Variants in ZFC3H1 observed in about 807,000 individuals in gnomAD.
ZFC3H1 encodes zinc finger C3H1-type containing, also known as zinc finger C3H1 domain-containing protein.
In ZFC3H1, 71 loss-of-function variants were observed where a neutral mutation model predicts 243.7. The observed-to-expected ratio is 0.29, with a 90% CI of 0.24 to 0.36. ZFC3H1 has a LOEUF of 0.36. ZFC3H1 is among the 10% of genes least tolerant of loss of function. The pLI is 1.00. For synonymous variants in ZFC3H1, 838 were observed against 813.0 expected, an observed-to-expected ratio of 1.03 and a Z score of -0.52; for missense variants, 1,966 against 2,317.1, an observed-to-expected ratio of 0.85 and a Z score of 3.11.
intron 2 of ZFC3H1, among the ~76,000 whole-genome samples, chr12:71,649,091 CAAAA>C (rs35231608): frequency 2.2e-5 from 2 of 89,828 alleles, no homozygotes; most frequent in Non-Finnish European, 2.4e-5. Context: ...ACTCTTGTCT[CAAAA>C]AAAAAAAAAA....
At chr12:71,616,003 T>TA (rs1372547650) in intron 27 of ZFC3H1, among the ~76,000 whole-genome samples, 23 of 152,092 alleles carry the variant, frequency 1.5e-4, no homozygotes, top group Non-Finnish European at 4.4e-5. Context: ...AAAAAAGATT[T>TA]ACAAGGCCTG....
chr12:71,661,178 C>T (rs1328333116), intron 1 of ZFC3H1, among the ~76,000 whole-genome samples: 1 of 151,758 alleles, frequency 6.6e-6, no homozygotes, highest in African/African-American at 2.4e-5. Context: ...TGGCGGGCGC[C>T]TGTAGTCCCA....
chr12:71,643,121 G>A (rs900587657), intron 5 of ZFC3H1, among the ~76,000 whole-genome samples: 3 of 152,146 alleles, frequency 2.0e-5, no homozygotes, highest in African/African-American at 7.2e-5. Context: ...CGAGAAGGAG[G>A]TAAAGAATAA....
chr12:71,642,961 A>C (rs1005440506), intron 5 of ZFC3H1, among the ~76,000 whole-genome samples: 1 of 152,172 alleles, frequency 6.6e-6, no homozygotes, highest in African/African-American at 2.4e-5. Flanking sequence ...AAAATTCAAA[A>C]ACATTTTAAT....
intron 27 of ZFC3H1, among the ~76,000 whole-genome samples, chr12:71,618,383 C>CA (rs547873671): frequency 3.0e-4 from 46 of 152,004 alleles, no homozygotes; most frequent in African/African-American, 1.1e-3. Flanking sequence ...GTATTTTCTA[C>CA]AAGAAATTTT....
chr12:71,663,784 C>G lies in ZFC3H1; in HGVS notation c.-174G>C. The stretch of plus-strand genomic sequence containing the variant: ...GCACCCCAGCACCCCAGCTCTCTCT[C>G]GCCGGACCGTCGCAACCCAGTTCCC... On this transcript the variant is annotated 5_prime_UTR_variant, in exon 1 of 35. Transcript: ENST00000378743. 1 of 720,912 alleles carries G rather than the reference C, an allele frequency of 1.4e-6. No homozygotes were observed. Among genetic ancestry groups the G allele is most frequent in the Non-Finnish European group, 2.2e-6 (1 of 445,538 alleles). The allele number at this position is 720,912 out of a possible 1,614,324, so 44.7% of individuals were successfully genotyped here.
chr12:71,612,662 G>A (rs1420212203), intron 31 of ZFC3H1, among the ~76,000 whole-genome samples: 2 of 152,038 alleles, frequency 1.3e-5, no homozygotes, highest in South Asian at 2.1e-4. Context: ...AAATATTTTA[G>A]GCATCTTATG....
At chr12:71,653,136 A>C (rs1880933195) in intron 2 of ZFC3H1, among the ~76,000 whole-genome samples, 1 of 152,252 alleles carries the variant, frequency 6.6e-6, no homozygotes, top group Non-Finnish European at 1.5e-5. Context: ...AATTTGTTTA[A>C]AGAAACAAAG....
Position 71,624,139 on chromosome 12 carries a change from T to C in ZFC3H1, c.4471A>G (p.Thr1491Ala), listed in dbSNP as rs776203894. 1.2e-6 allele frequency: 2 copies of C among 1,612,882 alleles called. No individual in the cohort carries two copies. The highest frequency in any genetic ancestry group is 1.7e-6 in the Non-Finnish European group (2 of 1,179,712). The change falls in exon 23 of 35, where the codon ACT (threonine) becomes GCT (alanine). Residue 1491 changes from threonine to alanine, a missense_variant. By Grantham distance (58) the Thr-to-Ala change is moderately conservative. Around this residue, in one of 4 missense-constraint regions of ZFC3H1, gnomAD observed 1,383 missense variants for 1,723.7 expected, o/e 0.80. Transcript: ENST00000378743. ...GCCAGTGCACTTTGGCATCTTCCAGTAAATATGTGCAGCTGAACTCTAAAC... is the reference window on the plus strand; with the variant it reads ...GCCAGTGCACTTTGGCATCTTCCAGCAAATATGTGCAGCTGAACTCTAAAC... ...LLFRVQLHIF[T>A]GRCQSALAIL...
rs1881260278 is a variant in ZFC3H1 at position 71,663,718 on chromosome 12, C to G, written c.-108G>C. 1.5e-6 allele frequency: 2 copies of G among 1,319,746 alleles called. No homozygotes were observed. The highest frequency in any genetic ancestry group is 2.9e-5 in the African/African-American group (2 of 68,098). 81.8% of individuals were successfully genotyped at this position (1,319,746 alleles called of 1,614,324 possible). On this transcript the variant is annotated 5_prime_UTR_variant, in exon 1 of 35. Coordinates refer to ENST00000378743, the MANE Select transcript of ZFC3H1 (RefSeq NM_144982.5). ...ACGGACTGGGTCGGTGCGGTCTTAC[C>G]CTACTCGGACACCAAGCGGCCTCTG...
chr12:71,650,996 C>T (rs1880870062), intron 2 of ZFC3H1, among the ~76,000 whole-genome samples: 1 of 152,190 alleles, frequency 6.6e-6, no homozygotes, highest in Non-Finnish European at 1.5e-5. Context: ...ACATGTCAGG[C>T]ATCTTTCTGT....
chr12:71,637,752 G>T (rs867505784), intron 7 of ZFC3H1, among the ~76,000 whole-genome samples: 3 of 152,032 alleles, frequency 2.0e-5, no homozygotes, highest in African/African-American at 7.3e-5. Flanking sequence ...ATATGTTCTA[G>T]AAAGACACTA....
At chr12:71,611,953 T>C (rs1470889850) in intron 31 of ZFC3H1, 66 bp from the exon 32 acceptor site, 14 of 883,370 alleles carry the variant, frequency 1.6e-5, no homozygotes, top group Admixed American at 1.1e-4. Flanking sequence ...ATGTGCTCTA[T>C]GAGCACAATG....
chr12:71,632,513 G>C lies in ZFC3H1; in HGVS notation c.2819C>G (p.Pro940Arg), dbSNP rs200663943. ...ACTGTCCAGTCTCATCATTTTGTTT[G>C]GCTAAGGGAGAAAAATGATACACGT... ...KRKLEQDRFGPNKMMRLDSSP... is the reference protein window; with the variant it reads ...KRKLEQDRFGRNKMMRLDSSP... The change falls in exon 15 of 35, where the codon CCA (proline) becomes CGA (arginine). Residue 940 changes from proline to arginine, a missense_variant and splice_region_variant. Physicochemically the swap from Pro to Arg is moderately radical, Grantham distance 103. This residue lies in a region of ZFC3H1 where 1,383 missense variants were observed against 1,723.7 expected (regional missense o/e 0.80). Transcript: ENST00000378743. 147 of 1,544,402 alleles carry C rather than the reference G, an allele frequency of 9.5e-5. 1 individual carries two copies. In the East Asian group the frequency reaches 3.3e-3, roughly 35 times the overall value.
At chr12:71,656,321 A>G (rs1384282514) in intron 2 of ZFC3H1, 1 of 389,422 alleles carries the variant, frequency 2.6e-6, no homozygotes, top group African/African-American at 2.1e-5. Flanking sequence ...AGAGGAAAAG[A>G]AAAAACAAGC....
At position 71,623,436 on chromosome 12, in the gene ZFC3H1, A is replaced by G. The variant is rs1458895595; in HGVS notation, c.4668T>C (p.Thr1556=). The G allele has an allele frequency of 1.2e-6, 2 of 1,613,696 alleles. No homozygotes were observed. Among genetic ancestry groups the G allele is most frequent in the Non-Finnish European group, 8.5e-7 (1 of 1,179,836 alleles). The change falls in exon 24 of 35, where the codon ACT becomes ACC. Residue 1556 remains threonine, a synonymous_variant. Transcript: ENST00000378743. ...CTTGCCATGGCATTACAAATGATTC[A>G]GTGTTAACAATTCTTGAAGGATTAT... is the stretch of plus-strand genomic sequence containing the variant. ...SNDNPSRIVN[T]ESFVMPWQAV...
rs1407331112 is a variant in ZFC3H1, at chr12:71,632,228, A to G, written c.3104T>C (p.Ile1035Thr). Residue 1035 changes from isoleucine to threonine, a missense_variant, in exon 15 of 35, where the codon ATT (isoleucine) becomes ACT (threonine). Transcript: ENST00000378743. ...TCGCTCTCTGCTTGAACCAGACAAAATTTCATCATCAACATCATTTTCTTC... is the reference window on the plus strand; with the variant it reads ...TCGCTCTCTGCTTGAACCAGACAAAGTTTCATCATCAACATCATTTTCTTC... Reference protein sequence around the residue: ...DTEENDVDDEILSGSSRERRR... With the variant: ...DTEENDVDDETLSGSSRERRR... The G allele has an allele frequency of 1.6e-5, 25 of 1,610,864 alleles. No individual in the cohort carries two copies. The highest frequency in any genetic ancestry group is 2.0e-5 in the Non-Finnish European group (24 of 1,179,076).
At chr12:71,641,518 T>G (rs1880602825) in intron 6 of ZFC3H1, among the ~76,000 whole-genome samples, 1 of 152,330 alleles carries the variant, frequency 6.6e-6, no homozygotes, top group African/African-American at 2.4e-5. Context: ...CTTAAGTGTT[T>G]TAAATTATTT....
At chr12:71,624,661 A>C (rs969332182) in intron 22 of ZFC3H1, among the ~76,000 whole-genome samples, 2 of 152,198 alleles carry the variant, frequency 1.3e-5, no homozygotes, top group Non-Finnish European at 2.9e-5. Context: ...TGACTGTATA[A>C]AAGTTTTGAG....
Sources: gnomAD v4.1 joint callset for allele counts (sites outside exome capture counted in the v4.1 genomes callset) on GRCh38, gnomAD v4.1.1 for gene constraint, gnomAD v4.1.1 regional missense constraint, MANE v1.5 for transcripts, NCBI Gene and HGNC (gene_info 2026-07-23, HGNC 2026-07-21) for gene names.